The following AGBL1 variants were observed in gnomAD, a reference collection of about 807,000 sequenced individuals.
The protein encoded by AGBL1 is cytosolic carboxypeptidase 4.
A neutral mutation model predicts 118.9 loss-of-function variants in AGBL1; 130 were observed. The observed-to-expected ratio is 1.09, with a 90% CI of 0.95 to 1.26. The LOEUF (loss-of-function observed/expected upper bound fraction) is 1.26, where lower values mean the gene tolerates loss of function less well. Among genes scored for constraint, AGBL1 ranks in the 50% most tolerant of loss-of-function variants. The pLI is 0.00. For synonymous variants in AGBL1, 555 were observed against 478.9 expected (o/e 1.16, Z -2.08); for missense variants, 1,584 against 1,298.1 (o/e 1.22, Z -3.38).
chr15:86,512,213 T>TC (rs753173181), intron 18 of AGBL1, among the ~76,000 whole-genome samples: 4 of 151,944 alleles, frequency 2.6e-5, no homozygotes, highest in Non-Finnish European at 5.9e-5. Context: ...CGCTGAGGTG[T>TC]CCTCAAATTA....
intron 21 of AGBL1, among the ~76,000 whole-genome samples, chr15:86,642,545 A>T (rs964427950): frequency 6.6e-6 from 1 of 152,106 alleles, no homozygotes; most frequent in Non-Finnish European, 1.5e-5. Context: ...TTCTAATTTA[A>T]TAAGAATTTT....
intron 5 of AGBL1, among the ~76,000 whole-genome samples, chr15:86,211,100 G>T (rs187858543): frequency 1.9e-4 from 29 of 152,302 alleles, no homozygotes; most frequent in Admixed American, 1.8e-3. Context: ...GTTGGAGTTT[G>T]CTGGAGGTCC....
intron 22 of AGBL1, among the ~76,000 whole-genome samples, chr15:86,845,152 A>G (rs1596544201): frequency 6.6e-6 from 1 of 152,068 alleles, no homozygotes; most frequent in African/African-American, 2.4e-5. Context: ...TTTCATTTCA[A>G]TGTACATTTT....
At chr15:86,716,445 C>G (rs942405847) in intron 22 of AGBL1, among the ~76,000 whole-genome samples, 1 of 152,168 alleles carries the variant, frequency 6.6e-6, no homozygotes, top group Admixed American at 6.5e-5. Context: ...ATGTGACTTT[C>G]TTCCCAGTTT....
intron 22 of AGBL1, among the ~76,000 whole-genome samples, chr15:86,779,109 G>A (rs191740620): frequency 2.7e-5 from 4 of 150,872 alleles, no homozygotes; most frequent in Non-Finnish European, 4.4e-5. Context: ...TTTGCTCTTT[G>A]ACTCATCACC....
chr15:86,497,172 A>G (rs2082864952), intron 18 of AGBL1, among the ~76,000 whole-genome samples: 1 of 151,984 alleles, frequency 6.6e-6, no homozygotes, highest in Non-Finnish European at 1.5e-5. Context: ...AAAGTCAGCT[A>G]TTTTATATTC....
At chr15:86,550,837 A>C (rs2083654449) in intron 20 of AGBL1, among the ~76,000 whole-genome samples, 1 of 152,012 alleles carries the variant, frequency 6.6e-6, no homozygotes, top group Non-Finnish European at 1.5e-5. Flanking sequence ...ATAGGCTATT[A>C]AATAAATATC....
At chr15:86,504,377 A>G (rs1299452271) in intron 18 of AGBL1, among the ~76,000 whole-genome samples, 1 of 151,478 alleles carries the variant, frequency 6.6e-6, no homozygotes, top group East Asian at 1.9e-4. Flanking sequence ...CTCAATCTTT[A>G]GATTGAATTG....
At chr15:86,713,956 C>T (rs917358552) in intron 22 of AGBL1, among the ~76,000 whole-genome samples, 1 of 152,140 alleles carries the variant, frequency 6.6e-6, no homozygotes, top group Non-Finnish European at 1.5e-5. Context: ...TGGGTGTCTA[C>T]GTGTGTCTTT....
At chr15:86,488,753 G>A (rs1332463551) in intron 18 of AGBL1, among the ~76,000 whole-genome samples, 1 of 151,812 alleles carries the variant, frequency 6.6e-6, no homozygotes, top group South Asian at 2.1e-4. Flanking sequence ...TCTCTACCGG[G>A]CCCTTTCCAA....
At chr15:86,117,597 C>A (rs1008194062) in intron 1 of AGBL1, among the ~76,000 whole-genome samples, 1 of 152,170 alleles carries the variant, frequency 6.6e-6, no homozygotes, top group African/African-American at 2.4e-5. Flanking sequence ...GTTTTTAGTG[C>A]ATATCAAGCA....
At chr15:86,525,836 GGT>G (rs780946239) in intron 19 of AGBL1, among the ~76,000 whole-genome samples, 28 of 151,912 alleles carry the variant, frequency 1.8e-4, no homozygotes, top group Non-Finnish European at 4.0e-4. Context: ...TCCAATTTAT[GGT>G]GAAGACAACA....
chr15:86,391,398 C>G (rs552665777), intron 17 of AGBL1, among the ~76,000 whole-genome samples: 1 of 151,720 alleles, frequency 6.6e-6, no homozygotes, highest in African/African-American at 2.4e-5. Context: ...TTTTTTTTCT[C>G]AGAATCTTTC....
chr15:86,712,364 CT>C (rs11411325), intron 22 of AGBL1, among the ~76,000 whole-genome samples: 396 of 145,828 alleles, frequency 2.7e-3, no homozygotes, highest in Non-Finnish European at 3.1e-3. Flanking sequence ...ACGATGTGTA[CT>C]TTTTTTTTTT....
chr15:86,660,993 A>G (rs2085528744), intron 21 of AGBL1, among the ~76,000 whole-genome samples: 1 of 152,188 alleles, frequency 6.6e-6, no homozygotes, highest in African/African-American at 2.4e-5. Context: ...AAATTCAGGG[A>G]CTGAGAAAGT....
At chr15:86,139,474 C>T (rs2076932779) in intron 1 of AGBL1, among the ~76,000 whole-genome samples, 1 of 152,270 alleles carries the variant, frequency 6.6e-6, no homozygotes, top group African/African-American at 2.4e-5. Context: ...CTGTTTCTTG[C>T]CTCTGTGCTG....
intron 1 of AGBL1, among the ~76,000 whole-genome samples, chr15:86,102,821 C>T (rs1251254820): frequency 6.6e-6 from 1 of 152,194 alleles, no homozygotes; most frequent in Non-Finnish European, 1.5e-5. Flanking sequence ...ATCTGGATGT[C>T]TAAAACTCTA....
intron 1 of AGBL1, among the ~76,000 whole-genome samples, chr15:86,104,379 G>A (rs1896909821): frequency 6.6e-6 from 1 of 152,162 alleles, no homozygotes; most frequent in African/African-American, 2.4e-5. Flanking sequence ...ACAGGCAGCT[G>A]GGGAGTATAT....
At chr15:86,354,863 G>T (rs2080687971) in intron 17 of AGBL1, among the ~76,000 whole-genome samples, 1 of 152,182 alleles carries the variant, frequency 6.6e-6, no homozygotes, top group Non-Finnish European at 1.5e-5. Context: ...CCATTTTGTG[G>T]CTGGAATCAG....
Sources: allele counts gnomAD v4.1 joint callset (sites outside exome capture counted in the v4.1 genomes callset), GRCh38; gene constraint gnomAD v4.1.1; transcripts MANE v1.5; gene names NCBI Gene and HGNC (gene_info 2026-07-23, HGNC 2026-07-21).